Variants in SPEN observed in about 807,000 individuals in gnomAD.
The protein encoded by SPEN is msx2-interacting protein.
In SPEN, 18 loss-of-function variants were observed where a neutral mutation model predicts 269.9. The ratio of observed to expected loss-of-function variants is 0.07; its 90% CI spans 0.05 to 0.10. SPEN has a LOEUF of 0.10. SPEN is among the 10% of genes least tolerant of loss of function. The probability of loss-of-function intolerance (pLI) is 1.00; values close to 1 mark genes in which losing one functional copy is unlikely to be tolerated. For synonymous variants in SPEN, 1,726 were observed against 1,765.7 expected, an observed-to-expected ratio of 0.98 and a Z score of 0.56; for missense variants, 3,822 against 4,631.2, an observed-to-expected ratio of 0.83 and a Z score of 5.07.
chr1:15,854,821 G>A (rs991426874), intron 1 of SPEN, among the ~76,000 whole-genome samples: 2 of 152,032 alleles, frequency 1.3e-5, no homozygotes, highest in African/African-American at 4.8e-5. Flanking sequence ...CTGGTTTTTA[G>A]TGTGTGGAAA....
At chr1:15,868,805 A>G (rs552994253) in intron 1 of SPEN, among the ~76,000 whole-genome samples, 2 of 152,144 alleles carry the variant, frequency 1.3e-5, no homozygotes, top group Non-Finnish European at 2.9e-5. Context: ...GACTTGCTGG[A>G]TATTTGTTAA....
chr1:15,851,712 C>T (rs929515159), intron 1 of SPEN, among the ~76,000 whole-genome samples: 5 of 152,092 alleles, frequency 3.3e-5, no homozygotes, highest in African/African-American at 1.2e-4. Context: ...AGGCTGGGTG[C>T]GGTGGCTCAC....
chr1:15,913,447 C>T (rs2148730340), intron 5 of SPEN, among the ~76,000 whole-genome samples: 1 of 152,096 alleles, frequency 6.6e-6, no homozygotes, highest in African/African-American at 2.4e-5. Flanking sequence ...TGGTGGCTCA[C>T]ACCTTGATTG....
chr1:15,875,240 T>A, intron 2 of SPEN, among the ~76,000 whole-genome samples: 1 of 151,318 alleles, frequency 6.6e-6, no homozygotes, highest in East Asian at 1.9e-4. Flanking sequence ...TGTTTTGTAC[T>A]TTTTAGGTTG....
chr1:15,880,557 G>A (rs2070677537), intron 3 of SPEN, among the ~76,000 whole-genome samples: 1 of 148,688 alleles, frequency 6.7e-6, no homozygotes, highest in South Asian at 2.1e-4. Context: ...TCGGGTTCAA[G>A]CGATTCTCTT....
intron 2 of SPEN, chr1:15,873,936 T>A: frequency 8.6e-7 from 1 of 1,164,652 alleles, no homozygotes; most frequent in Non-Finnish European, 1.1e-6. Flanking sequence ...TCAAAGGTAC[T>A]TTAGCTTTGA....
intron 1 of SPEN, among the ~76,000 whole-genome samples, chr1:15,860,473 G>GTGTGTGTGTGTT (rs2070435636): frequency 6.7e-6 from 1 of 149,712 alleles, no homozygotes; most frequent in African/African-American, 2.5e-5. Flanking sequence ...GTGTGTGTGT[G>GTGTGTGTGTGTT]TGTAGATAAG....
chr1:15,916,184 C>T lies in SPEN; in HGVS notation c.1300C>T (p.Pro434Ser). 2.5e-6 allele frequency: 4 copies of T among 1,613,074 alleles called. No individual in the cohort carries two copies. Among genetic ancestry groups the T allele is most frequent in the Non-Finnish European group, 2.5e-6 (3 of 1,179,624 alleles). ...GGATGAAAGGATAGATGAATTTCACCCCAAAGCAACAAGAACTCTCTTTAT... is the reference window on the plus strand; with the variant it reads ...GGATGAAAGGATAGATGAATTTCACTCCAAAGCAACAAGAACTCTCTTTAT... ...PLDERIDEFHPKATRTLFIGN... is the reference protein window; with the variant it reads ...PLDERIDEFHSKATRTLFIGN... The change falls in exon 6 of 15, where the codon CCC becomes TCC. Residue 434 changes from proline to serine, a missense_variant. Physicochemically the swap from Pro to Ser is moderately conservative, Grantham distance 74. Around this residue, in one of 16 missense-constraint regions of SPEN, gnomAD observed 230 missense variants for 426.1 expected, o/e 0.54. Transcript: ENST00000375759.
chr1:15,863,820 A>G (rs1249823581), intron 1 of SPEN, among the ~76,000 whole-genome samples: 2 of 152,152 alleles, frequency 1.3e-5, no homozygotes, highest in East Asian at 1.9e-4. Flanking sequence ...CAGCCTGGGC[A>G]ACAGAGCAAA....
intron 3 of SPEN, among the ~76,000 whole-genome samples, chr1:15,896,827 G>C (rs536032571): frequency 4.6e-5 from 7 of 152,302 alleles, no homozygotes; most frequent in Admixed American, 2.6e-4. Flanking sequence ...TGTTAGCCTG[G>C]TGTGGTGGCG....
At chr1:15,878,808 G>A (rs1027402813) in intron 3 of SPEN, among the ~76,000 whole-genome samples, 2 of 151,988 alleles carry the variant, frequency 1.3e-5, no homozygotes, top group Non-Finnish European at 2.9e-5. Context: ...CAAGGAGTTC[G>A]AGACCAGCCT....
intron 3 of SPEN, among the ~76,000 whole-genome samples, chr1:15,879,790 C>A (rs1201854785): frequency 6.6e-6 from 1 of 151,974 alleles, no homozygotes; most frequent in East Asian, 1.9e-4. Flanking sequence ...TCTGCCTCAG[C>A]CTCTCGAGTA....
At chr1:15,856,667 C>G (rs1220231812) in intron 1 of SPEN, among the ~76,000 whole-genome samples, 1 of 149,972 alleles carries the variant, frequency 6.7e-6, no homozygotes, top group Admixed American at 6.7e-5. Flanking sequence ...TCCCAGGTTC[C>G]AGCAATTCTC....
In SPEN at chr1:15,935,866, A is replaced by C. The variant is rs1206021118; in HGVS notation, c.9626A>C (p.Gln3209Pro). Reference protein sequence around the residue: ...VHPHVTAVSEQPRAADGVVKV... With the variant: ...VHPHVTAVSEPPRAADGVVKV... The stretch of plus-strand genomic sequence containing the variant: ...CCACATGTGACGGCAGTCAGCGAGC[A>C]GCCCAGGGCCGCGGATGGGGTGGTG... Residue 3209 changes from glutamine to proline, a missense_variant, in exon 11 of 15, where the codon CAG becomes CCG. By Grantham distance (76) the Gln-to-Pro change is moderately conservative. This residue lies in a region of SPEN where 359 missense variants were observed against 377.3 expected (regional missense o/e 0.95). Coordinates refer to ENST00000375759, the MANE Select transcript of SPEN (RefSeq NM_015001.3). The surrounding 1 kb of genome is among the most constrained non-coding windows in gnomAD (Gnocchi z 7.7). The C allele has an allele frequency of 1.2e-6, 2 of 1,613,670 alleles. No individual in the cohort carries two copies. Among genetic ancestry groups the C allele is most frequent in the African/African-American group, 2.7e-5 (2 of 75,028 alleles).
At position 15,937,066 on chromosome 1, in the gene SPEN, T is replaced by A; in HGVS notation, c.10027-97T>A. 6.7e-7 allele frequency: 1 copy of A among 1,503,578 alleles called. No individual in the cohort carries two copies. 93.1% of individuals were successfully genotyped at this position (1,503,578 alleles called of 1,614,324 possible). ...CTGACTTAACGGGAGATGCCACATC[T>A]TATCCTTTCCCTGTGGCCCTTTGGG... On this transcript the variant is annotated intron_variant, in intron 11 of 14. Transcript: ENST00000375759. The surrounding 1 kb of genome is among the most constrained non-coding windows in gnomAD (Gnocchi z 5.7).
intron 3 of SPEN, among the ~76,000 whole-genome samples, chr1:15,906,354 A>T (rs1334036681): frequency 6.6e-6 from 1 of 151,788 alleles, no homozygotes; most frequent in Non-Finnish European, 1.5e-5. Flanking sequence ...CTTTATCCTT[A>T]GTAGTTTGCA....
intron 5 of SPEN, among the ~76,000 whole-genome samples, chr1:15,913,896 C>T (rs2071033801): frequency 1.3e-5 from 2 of 152,212 alleles, no homozygotes; most frequent in South Asian, 4.1e-4. Context: ...ATGCACCAGG[C>T]AGGCCATTTG....
At chr1:15,863,886 A>G (rs2070471363) in intron 1 of SPEN, among the ~76,000 whole-genome samples, 1 of 152,168 alleles carries the variant, frequency 6.6e-6, no homozygotes, top group African/African-American at 2.4e-5. Flanking sequence ...TTTCAGCAAT[A>G]CTATTCACAA....
rs1311580096 is a variant in SPEN at position 15,934,712 on chromosome 1, C to G, written c.8472C>G (p.Thr2824=). 3.1e-6 allele frequency: 5 copies of G among 1,614,008 alleles called. No individual in the cohort carries two copies. The highest frequency in any genetic ancestry group is 4.2e-6 in the Non-Finnish European group (5 of 1,180,038). Residue 2824 remains threonine, a synonymous_variant, in exon 11 of 15, where the codon ACC becomes ACG. Coordinates refer to ENST00000375759, the MANE Select transcript of SPEN (RefSeq NM_015001.3). This position sits in a 1 kb window ranked among gnomAD's most constrained non-coding sequence, Gnocchi z 9.2. The stretch of plus-strand genomic sequence containing the variant: ...TCCTGAGTTACTCAGGGCAGAAGAC[C>G]GAAGGCCCACAGCGGATCAGCGCCA... The part of the protein sequence containing the change: ...VVLLSYSGQK[T]EGPQRISAKI...
Sources: gnomAD v4.1 joint callset for allele counts (sites outside exome capture counted in the v4.1 genomes callset) on GRCh38, gnomAD v4.1.1 for gene constraint, gnomAD v4.1.1 regional missense constraint, Gnocchi (gnomAD v3.1) non-coding constraint, MANE v1.5 for transcripts, NCBI Gene and HGNC (gene_info 2026-07-23, HGNC 2026-07-21) for gene names.